TSC22D1: variants seen among roughly 807,000 people sequenced by gnomAD.
TSC22D1 encodes TSC22 domain family member 1.
TSC22D1 carries 9 observed loss-of-function variants against 74.2 expected under a neutral mutation model. The ratio of observed to expected loss-of-function variants is 0.12; its 90% CI spans 0.07 to 0.21. TSC22D1 has a LOEUF of 0.21. TSC22D1 is among the 10% of genes least tolerant of loss of function. The pLI is 1.00. For missense variants in TSC22D1, 1,427 were observed against 1,304.7 expected, an observed-to-expected ratio of 1.09 and a Z score of -1.44; for synonymous variants, 586 against 492.5, an observed-to-expected ratio of 1.19 and a Z score of -2.51.
intron 1 of TSC22D1, among the ~76,000 whole-genome samples, chr13:44,553,631 T>C (rs939618663): frequency 4.6e-5 from 7 of 152,144 alleles, no homozygotes; most frequent in African/African-American, 1.7e-4. Flanking sequence ...TGGTTCTATT[T>C]TAGAGTATTA....
Position 44,575,231 on chromosome 13 carries a change from A to T in TSC22D1, c.844T>A (p.Ser282Thr), listed in dbSNP as rs776496575. The change falls in exon 1 of 3, where the codon TCC becomes ACC. Residue 282 changes from serine (S) to threonine (T), a missense_variant. This residue lies in a region of TSC22D1 where 1,343 missense variants were observed against 1,191.5 expected (regional missense o/e 1.13). Transcript: ENST00000458659. ...ATTACAGATGCAGGTGAACCACTGG[A>T]TGATACAGCAGAAGTTGGTGCAACT... The part of the protein sequence containing the change: ...TPVAPTSAVS[S>T]SGSPASVMTN... 1.9e-6 allele frequency: 3 copies of T among 1,614,042 alleles called. No homozygotes were observed. The highest frequency in any genetic ancestry group is 1.7e-5 in the Admixed American group (1 of 60,028).
At position 44,490,329 on chromosome 13, in the gene TSC22D1, A is replaced by G. The variant is rs79928547; in HGVS notation, c.2913-54234T>C. ...AGGTATCGCTAGGGAGAAGAATAGT[A>G]CTTAGCAGGTCATTTGAGAGAATGC... is the stretch of plus-strand genomic sequence containing the variant. On this transcript the variant is annotated intron_variant, in intron 1 of 2. Transcript: ENST00000458659. Among the ~76,000 whole-genome samples the G allele has an allele frequency of 2.4e-4, 36 of 151,714 alleles. No homozygotes were observed. In the East Asian group the frequency reaches 6.2e-3, roughly 26 times the overall value.
intron 1 of TSC22D1, among the ~76,000 whole-genome samples, chr13:44,444,301 A>AAAAAAG: frequency 7.0e-6 from 1 of 143,034 alleles, no homozygotes; most frequent in Admixed American, 7.0e-5. Flanking sequence ...AAAAAAAAAA[A>AAAAAAG]AAAAAAAGAA....
At chr13:44,476,317 TTA>T (rs1247838375) in intron 1 of TSC22D1, among the ~76,000 whole-genome samples, 1 of 152,108 alleles carries the variant, frequency 6.6e-6, no homozygotes, top group East Asian at 1.9e-4. Flanking sequence ...TAAAAATACA[TTA>T]TGTTTATTAT....
intron 1 of TSC22D1, among the ~76,000 whole-genome samples, chr13:44,504,558 C>G (rs963960145): frequency 3.5e-5 from 5 of 144,628 alleles, no homozygotes; most frequent in Middle Eastern, 3.6e-3. Context: ...GAGCAGTGAT[C>G]GTACCACTGC....
intron 1 of TSC22D1, among the ~76,000 whole-genome samples, chr13:44,474,920 C>T (rs1410024085): frequency 6.6e-6 from 1 of 152,056 alleles, no homozygotes; most frequent in Non-Finnish European, 1.5e-5. Context: ...ATTGTACTTC[C>T]TGCAATTTAT....
chr13:44,574,503 G>A lies in TSC22D1; in HGVS notation c.1572C>T (p.Ser524=), dbSNP rs149448532. Residue 524 remains serine, a synonymous_variant, in exon 1 of 3, where the codon AGC becomes AGT. Transcript: ENST00000458659. ...GVTLQQMDFG[S]TGPQSIPAVS... The stretch of plus-strand genomic sequence containing the variant: ...CTGCTGGAATACTCTGTGGACCAGT[G>A]CTACCAAAATCCATCTGTTGGAGGG... 1.9e-6 allele frequency: 3 copies of A among 1,614,146 alleles called. No homozygotes were observed. Among genetic ancestry groups the A allele is most frequent in the African/African-American group, 2.7e-5 (2 of 75,034 alleles).
intron 1 of TSC22D1, among the ~76,000 whole-genome samples, chr13:44,526,173 G>A (rs913137508): frequency 3.3e-5 from 5 of 152,148 alleles, no homozygotes; most frequent in African/African-American, 1.2e-4. Context: ...AAAACAGTCT[G>A]AGGATCCAAA....
chr13:44,439,052 C>A (rs958754468), intron 1 of TSC22D1, among the ~76,000 whole-genome samples: 2 of 152,182 alleles, frequency 1.3e-5, no homozygotes, highest in Non-Finnish European at 2.9e-5. Context: ...TCATGCCGTT[C>A]TTCAACATAA....
chr13:44,520,295 G>A (rs1032516153), intron 1 of TSC22D1, among the ~76,000 whole-genome samples: 2 of 152,166 alleles, frequency 1.3e-5, no homozygotes, highest in South Asian at 2.1e-4. Context: ...AAGATTAATA[G>A]CACCCAAAGT....
At chr13:44,542,854 A>T (rs994782621) in intron 1 of TSC22D1, among the ~76,000 whole-genome samples, 3 of 152,116 alleles carry the variant, frequency 2.0e-5, no homozygotes, top group African/African-American at 7.2e-5. Flanking sequence ...TATTGATGGA[A>T]GCTCCTAAAA....
intron 1 of TSC22D1, among the ~76,000 whole-genome samples, chr13:44,502,580 G>C (rs1404989650): frequency 1.3e-5 from 2 of 152,210 alleles, no homozygotes; most frequent in East Asian, 1.9e-4. Context: ...GCTCATTAGG[G>C]CTCAATTTTC....
intron 1 of TSC22D1, among the ~76,000 whole-genome samples, chr13:44,563,634 C>A (rs891957795): frequency 2.0e-5 from 3 of 152,294 alleles, no homozygotes; most frequent in Admixed American, 2.0e-4. Flanking sequence ...TATTCTCCCA[C>A]CTGACACATT....
At chr13:44,512,795 GTGCGCCA>G (rs1010021226) in intron 1 of TSC22D1, among the ~76,000 whole-genome samples, 2 of 152,068 alleles carry the variant, frequency 1.3e-5, no homozygotes, top group African/African-American at 4.8e-5. Context: ...GACTACAGGC[GTGCGCCA>G]TCACGCCCAG....
At chr13:44,472,985 C>T (rs78751963) in intron 1 of TSC22D1, among the ~76,000 whole-genome samples, 7 of 151,998 alleles carry the variant, frequency 4.6e-5, no homozygotes, top group African/African-American at 7.3e-5. Flanking sequence ...CCAATTATGA[C>T]GGAAGGCAAG....
At chr13:44,481,392 G>C (rs1878171416) in intron 1 of TSC22D1, among the ~76,000 whole-genome samples, 1 of 152,136 alleles carries the variant, frequency 6.6e-6, no homozygotes, top group South Asian at 2.1e-4. Context: ...GGTTCACTTA[G>C]GTTGTCAATA....
intron 1 of TSC22D1, among the ~76,000 whole-genome samples, chr13:44,525,352 C>T (rs1035005610): frequency 2.6e-5 from 4 of 152,060 alleles, no homozygotes; most frequent in African/African-American, 4.8e-5. Context: ...TTTGGGAAAC[C>T]GAGGCAGGAG....
Position 44,575,183 on chromosome 13 carries a change from T to C in TSC22D1, c.892A>G (p.Thr298Ala). Residue 298 changes from threonine (T) to alanine (A), a missense_variant, in exon 1 of 3, where the codon ACT (threonine) becomes GCT (alanine). By Grantham distance (58) the Thr-to-Ala change is moderately conservative. Around this residue, in one of 3 missense-constraint regions of TSC22D1, gnomAD observed 1,343 missense variants for 1,191.5 expected, o/e 1.13. Transcript: ENST00000458659. ...SVMTNMRAPS[T>A]TGGIGINSVT... ...GAATTTATACCTATTCCACCTGTAG[T>C]ACTTGGAGCACGCATATTAGTCATT... The C allele has an allele frequency of 6.2e-7, 1 of 1,614,080 alleles. No homozygotes were observed. The highest frequency in any genetic ancestry group is 1.1e-5 in the South Asian group (1 of 91,086).
In TSC22D1 at chr13:44,482,618, C is replaced by T. The variant is rs200049224; in HGVS notation, c.2913-46523G>A. The stretch of plus-strand genomic sequence containing the variant: ...CTGCTAGTAACTGACAGAGCTGAGA[C>T]TGAAGACTCAACTTTGTTGTTTCTG... On this transcript the variant is annotated intron_variant, in intron 1 of 2. Coordinates refer to ENST00000458659, the MANE Select transcript of TSC22D1 (RefSeq NM_183422.4). 2.0e-5 allele frequency among the ~76,000 whole-genome samples: 3 copies of T among 152,214 alleles called. No homozygotes were observed. In the East Asian group the frequency reaches 5.8e-4, roughly 29 times the overall value.
Sources: allele counts gnomAD v4.1 joint callset (sites outside exome capture counted in the v4.1 genomes callset), GRCh38; gene constraint gnomAD v4.1.1; regional missense constraint gnomAD v4.1.1; transcripts MANE v1.5; gene names NCBI Gene and HGNC (gene_info 2026-07-23, HGNC 2026-07-21).